Variants in COL4A2 observed in about 807,000 individuals in gnomAD.
COL4A2 encodes the protein collagen alpha-2(IV) chain.
A neutral mutation model predicts 200.2 loss-of-function variants in COL4A2; 99 were observed. That is an observed-to-expected ratio of 0.49 (90% CI 0.42 to 0.58). The LOEUF is 0.58. Among genes scored for constraint, COL4A2 ranks in the 20% least tolerant of loss-of-function variants. The probability of loss-of-function intolerance (pLI) is 0.00; values close to 1 mark genes in which losing one functional copy is unlikely to be tolerated. For missense variants in COL4A2, 1,950 were observed against 2,314.1 expected (o/e 0.84, Z 3.23); for synonymous variants, 897 against 900.6 (o/e 1.00, Z 0.07).
At chr13:110,464,298 A>C (rs1009424026) in intron 24 of COL4A2, among the ~76,000 whole-genome samples, 11 of 152,006 alleles carry the variant, frequency 7.2e-5, no homozygotes, top group African/African-American at 2.4e-4. Context: ...AGGGTCAGGG[A>C]GAACCTTGCA....
Position 110,440,782 on chromosome 13 carries a change from C to T in COL4A2, c.957+949C>T, listed in dbSNP as rs374344930. Among the ~76,000 whole-genome samples, 268 of 151,254 alleles carry T rather than the reference C, an allele frequency of 1.8e-3. 1 individual carries two copies. Among genetic ancestry groups the T allele is most frequent in the African/African-American group, 5.8e-3 (236 of 40,586 alleles). On this transcript the variant is annotated intron_variant, in intron 16 of 47. Transcript: ENST00000360467. Reference sequence around the variant, plus strand: ...CAGCACACGCCTCCTACGGCAGGCCCGGCAGGCTCCCCAGACACCACCACT... The same window carrying T: ...CAGCACACGCCTCCTACGGCAGGCCTGGCAGGCTCCCCAGACACCACCACT...
intron 11 of COL4A2, 99 bp from the exon 12 acceptor site, chr13:110,434,302 C>T (rs937043954): frequency 4.3e-5 from 47 of 1,100,096 alleles, no homozygotes; most frequent in Non-Finnish European, 5.7e-5. Flanking sequence ...GTAAAGTTGC[C>T]GATAAATAGG....
At chr13:110,378,883 T>G (rs1377727111) in intron 4 of COL4A2, among the ~76,000 whole-genome samples, 1 of 152,170 alleles carries the variant, frequency 6.6e-6, no homozygotes, top group African/African-American at 2.4e-5. Flanking sequence ...TCCACATTGG[T>G]GTCGGTGGAC....
chr13:110,468,379 C>T, intron 27 of COL4A2: 1 of 467,632 alleles, frequency 2.1e-6, no homozygotes, highest in South Asian at 1.6e-5. Flanking sequence ...AAAATGGTGA[C>T]AACTCTGCAT....
chr13:110,335,474 A>G (rs188989562), intron 3 of COL4A2, among the ~76,000 whole-genome samples: 29 of 152,276 alleles, frequency 1.9e-4, no homozygotes, highest in East Asian at 9.7e-4. Flanking sequence ...GTCTGCCACC[A>G]TGTAAGACGT....
At chr13:110,464,528 G>GA (rs762055806) in intron 24 of COL4A2, among the ~76,000 whole-genome samples, 10 of 152,172 alleles carry the variant, frequency 6.6e-5, no homozygotes, top group African/African-American at 2.4e-4. Flanking sequence ...CCTCCCCTGT[G>GA]AAAAAAAGCT....
rs767665017 is a variant in COL4A2 at position 110,508,078 on chromosome 13, G to A, written c.4738G>A (p.Glu1580Lys). The A allele has an allele frequency of 9.9e-6, 16 of 1,614,126 alleles. No homozygotes were observed. Among genetic ancestry groups the A allele is most frequent in the Admixed American group, 1.7e-5 (1 of 60,014 alleles). ...GCCGCTGCCCATGATGCCCGTGGCC[G>A]AGGACGAGATCAAGCCCTACATCAG... is the stretch of plus-strand genomic sequence containing the variant. ...TAPLPMMPVAEDEIKPYISRC... is the reference protein window; with the variant it reads ...TAPLPMMPVAKDEIKPYISRC... The change falls in exon 47 of 48, where the codon GAG (glutamate) becomes AAG (lysine). Residue 1580 changes from glutamate to lysine, a missense_variant. Glu to Lys is a moderately conservative substitution (Grantham distance 56). Transcript: ENST00000360467. The surrounding 1 kb of genome is among the most constrained non-coding windows in gnomAD (Gnocchi z 6.1).
rs3803233 is a variant in COL4A2, at chr13:110,466,799, A to T, written c.2039-241A>T. On this transcript the variant is annotated intron_variant, in intron 26 of 47. Transcript: ENST00000360467. ...ATCAATTGTTTGCCAGCACAGTGCCAGTTTTTATTTGACTAGACTGGCTTA... is the reference window on the plus strand; with the variant it reads ...ATCAATTGTTTGCCAGCACAGTGCCTGTTTTTATTTGACTAGACTGGCTTA... Among the ~76,000 whole-genome samples, 73,644 of 152,080 alleles carry T rather than the reference A, an allele frequency of 0.48. 18,578 individuals carry two copies. The highest frequency in any genetic ancestry group is 0.6 in the African/African-American group (24,709 of 41,446).
At chr13:110,323,396 GC>G (rs1007027092) in intron 3 of COL4A2, among the ~76,000 whole-genome samples, 7 of 152,084 alleles carry the variant, frequency 4.6e-5, no homozygotes, top group Admixed American at 1.3e-4. Context: ...CGGGATGAGG[GC>G]CCCCCCTGTG....
chr13:110,322,513 G>A (rs1353753582), intron 3 of COL4A2, among the ~76,000 whole-genome samples: 3 of 152,236 alleles, frequency 2.0e-5, no homozygotes, highest in African/African-American at 7.2e-5. Flanking sequence ...GAGGAGGACA[G>A]GGGATGGACG....
At chr13:110,335,307 C>T (rs1428462345) in intron 3 of COL4A2, among the ~76,000 whole-genome samples, 1 of 152,168 alleles carries the variant, frequency 6.6e-6, no homozygotes, top group Non-Finnish European at 1.5e-5. Flanking sequence ...TGAATTGTAG[C>T]TCCCATAATT....
chr13:110,469,579 C>A (rs1484767202), intron 28 of COL4A2, among the ~76,000 whole-genome samples: 4 of 152,184 alleles, frequency 2.6e-5, no homozygotes, highest in African/African-American at 9.7e-5. Flanking sequence ...CTGTCCTCCG[C>A]AACACCTGTC....
At chr13:110,439,661 G>C in intron 15 of COL4A2, 128 bp from the exon 16 acceptor site, 3 of 1,463,002 alleles carry the variant, frequency 2.1e-6, no homozygotes, top group Non-Finnish European at 2.8e-6. Flanking sequence ...TCAAAATCTG[G>C]ACCTGAGACT....
chr13:110,421,019 G>A (rs1195660017), intron 4 of COL4A2, among the ~76,000 whole-genome samples: 1 of 152,212 alleles, frequency 6.6e-6, no homozygotes, highest in African/African-American at 2.4e-5. Flanking sequence ...AGAAGCTCAG[G>A]ATGGACTGTT....
intron 27 of COL4A2, 119 bp from the exon 28 acceptor site, chr13:110,469,098 C>T: frequency 8.5e-7 from 1 of 1,169,754 alleles, no homozygotes; most frequent in Non-Finnish European, 1.2e-6. Flanking sequence ...GCTGATATTC[C>T]CCCCAGCCTC....
chr13:110,482,855 A>C (rs1392079040), intron 32 of COL4A2, among the ~76,000 whole-genome samples, 196 bp downstream of exon 32: 1 of 152,230 alleles, frequency 6.6e-6, no homozygotes, highest in Non-Finnish European at 1.5e-5. Context: ...TGACCATGTG[A>C]TAAGGGAATA....
At chr13:110,459,913 C>A (rs1402390728) in intron 22 of COL4A2, among the ~76,000 whole-genome samples, 1 of 152,104 alleles carries the variant, frequency 6.6e-6, no homozygotes, top group Non-Finnish European at 1.5e-5. Context: ...GAGGTGTGGA[C>A]CCCACACACA....
intron 4 of COL4A2, among the ~76,000 whole-genome samples, chr13:110,404,685 G>C (rs1038015512): frequency 8.5e-5 from 13 of 152,174 alleles, no homozygotes; most frequent in Admixed American, 7.2e-4. Flanking sequence ...AGTCCAGGAA[G>C]GAATCCCTGA....
chr13:110,381,443 A>G (rs1313301600), intron 4 of COL4A2, among the ~76,000 whole-genome samples: 1 of 152,236 alleles, frequency 6.6e-6, no homozygotes, highest in East Asian at 1.9e-4. Context: ...AATACTGTAA[A>G]TCCTATTGGG....
Sources: gnomAD v4.1 joint callset for allele counts (sites outside exome capture counted in the v4.1 genomes callset) on GRCh38, gnomAD v4.1.1 for gene constraint, Gnocchi (gnomAD v3.1) non-coding constraint, MANE v1.5 for transcripts, NCBI Gene and HGNC (gene_info 2026-07-23, HGNC 2026-07-21) for gene names.